Variants in CLEC2A observed in about 807,000 individuals in gnomAD.
The protein encoded by CLEC2A is keratinocyte-associated C-type lectin.
CLEC2A carries 19 observed loss-of-function variants against 18.6 expected under a neutral mutation model. That is an observed-to-expected ratio of 1.02 (90% CI 0.71 to 1.50). The LOEUF (loss-of-function observed/expected upper bound fraction) is 1.50. CLEC2A is among the 40% of genes most tolerant of loss of function. CLEC2A has a pLI of 0.00. For synonymous variants in CLEC2A, 74 were observed against 64.0 expected, an observed-to-expected ratio of 1.16 and a Z score of -0.75; for missense variants, 190 against 207.9, an observed-to-expected ratio of 0.91 and a Z score of 0.53.
chr12:9,885,323 C>T, the CLEC2A span, among the ~76,000 whole-genome samples: 1 of 93,436 alleles, frequency 1.1e-5, no homozygotes, highest in South Asian at 4.4e-4. Flanking sequence ...TTTGTGAGAT[C>T]ATTATTTAAG....
At chr12:9,904,867 C>A (rs909759794) in intron 4 of CLEC2A, among the ~76,000 whole-genome samples, 1 of 152,134 alleles carries the variant, frequency 6.6e-6, no homozygotes, top group African/African-American at 2.4e-5. Flanking sequence ...GCCTGGCTGT[C>A]CACCGTCCAT....
At position 9,902,621 on chromosome 12, in the gene CLEC2A, G is replaced by A. The variant is rs564726051; in HGVS notation, c.411-3645C>T. ...CACACTGTGGAAGCTTTGTTCTTTC[G>A]CTCTTTGCAATAAATCTTGAAAGAA... On this transcript the variant is annotated intron_variant, in intron 4 of 4. Coordinates refer to the CLEC2A transcript ENST00000339766. Among the ~76,000 whole-genome samples the A allele has an allele frequency of 2.5e-3, 367 of 149,368 alleles. 2 individuals carry two copies. Among genetic ancestry groups the A allele is most frequent in the African/African-American group, 8.6e-3 (347 of 40,286 alleles).
chr12:9,916,653 A>G (rs575317127), intron 4 of CLEC2A, 47 bp downstream of exon 4: 2 of 1,187,840 alleles, frequency 1.7e-6, no homozygotes, highest in Non-Finnish European at 2.4e-6. Flanking sequence ...AAAATTTTTC[A>G]TATGACACAC....
downstream of CLEC2A, among the ~76,000 whole-genome samples, chr12:9,895,481 T>G (rs1862746510): frequency 6.6e-6 from 1 of 152,222 alleles, no homozygotes; most frequent in South Asian, 2.1e-4. Context: ...CTGGGATGTC[T>G]TCTAGTGTAG....
downstream of CLEC2A, among the ~76,000 whole-genome samples, chr12:9,894,207 A>T (rs1282989515): frequency 7.6e-6 from 1 of 131,444 alleles, no homozygotes; most frequent in Non-Finnish European, 1.5e-5. Flanking sequence ...TTTTCAGCAG[A>T]GCCTTGCTCT....
chr12:9,894,559 G>T (rs577144392), downstream of CLEC2A, among the ~76,000 whole-genome samples: 1 of 152,290 alleles, frequency 6.6e-6, no homozygotes, highest in African/African-American at 2.4e-5. Flanking sequence ...AACATGAGGT[G>T]TTGCATGTAA....
the CLEC2A span, among the ~76,000 whole-genome samples, chr12:9,892,508 T>C: frequency 6.6e-6 from 1 of 151,242 alleles, no homozygotes; most frequent in Non-Finnish European, 1.5e-5. Context: ...TCTCCCCTAA[T>C]CCATCATCCA....
chr12:9,895,477 T>A (rs1255193261), downstream of CLEC2A, among the ~76,000 whole-genome samples: 2 of 152,202 alleles, frequency 1.3e-5, no homozygotes, highest in Admixed American at 1.3e-4. Context: ...GAAGCTGGGA[T>A]GTCTTCTAGT....
chr12:9,926,455 A>G, intron 1 of CLEC2A, 112 bp from the exon 2 acceptor site: 1 of 674,284 alleles, frequency 1.5e-6, no homozygotes, highest in Non-Finnish European at 2.6e-6. Context: ...TCAATCAAGT[A>G]CATACATCTC....
downstream of CLEC2A, among the ~76,000 whole-genome samples, chr12:9,912,275 G>C (rs1405765975): frequency 1.3e-5 from 2 of 152,120 alleles, no homozygotes; most frequent in Non-Finnish European, 2.9e-5. Context: ...GCTTATGGCT[G>C]GGAGCCAGCC....
chr12:9,888,102 A>G, the CLEC2A span, among the ~76,000 whole-genome samples: 1,020 of 151,288 alleles, frequency 6.7e-3, 9 homozygotes, highest in Non-Finnish European at 9.5e-3. Context: ...AAATGAAAAA[A>G]AAAAAGAAAA....
downstream of CLEC2A, among the ~76,000 whole-genome samples, chr12:9,894,171 GTTTCTTTCTTTC>G (rs200285327): frequency 8.9e-5 from 7 of 78,658 alleles, no homozygotes; most frequent in Admixed American, 7.7e-4. Context: ...TTCCTTCTTT[GTTTCTTTCTTTC>G]TTTCTTTCTT....
chr12:9,891,425 C>G, the CLEC2A span, among the ~76,000 whole-genome samples: 1 of 152,192 alleles, frequency 6.6e-6, no homozygotes, highest in Non-Finnish European at 1.5e-5. Context: ...CAATGCTACA[C>G]TCATCATTTG....
intron 4 of CLEC2A, among the ~76,000 whole-genome samples, chr12:9,916,164 C>G (rs1863068167): frequency 6.6e-6 from 1 of 151,658 alleles, no homozygotes; most frequent in Non-Finnish European, 1.5e-5. Flanking sequence ...CATTTTAACC[C>G]AAGAAACACT....
At chr12:9,926,386 C>G in intron 1 of CLEC2A, 43 bp from the exon 2 acceptor site, 3 of 1,210,734 alleles carry the variant, frequency 2.5e-6, no homozygotes, top group Non-Finnish European at 2.4e-6. Flanking sequence ...TCTGAATAAA[C>G]ACTGACTCGA....
the CLEC2A span, among the ~76,000 whole-genome samples, chr12:9,888,494 A>AAT: frequency 3.5e-4 from 54 of 152,172 alleles, no homozygotes; most frequent in Admixed American, 2.2e-3. Flanking sequence ...TGTCTCAAAA[A>AAT]AAAAATAAAA....
chr12:9,882,875 TTGATATATAATAAGAAAAATCTACC>T, the CLEC2A span, among the ~76,000 whole-genome samples: 1 of 152,204 alleles, frequency 6.6e-6, no homozygotes, highest in East Asian at 1.9e-4. Flanking sequence ...TCTCAATACT[TTGATATATAATAAGAAAAATCTACC>T]TGATGATGCT....
At chr12:9,903,492 G>A (rs781096773) in intron 4 of CLEC2A, among the ~76,000 whole-genome samples, 2 of 152,166 alleles carry the variant, frequency 1.3e-5, no homozygotes, top group African/African-American at 4.8e-5. Flanking sequence ...TAGTTCATTG[G>A]ATAAAACAGG....
the CLEC2A span, among the ~76,000 whole-genome samples, chr12:9,882,008 G>T: frequency 6.6e-6 from 1 of 151,446 alleles, no homozygotes. Context: ...GTATATATAT[G>T]CTTATATATA....
Sources: gnomAD v4.1 joint callset for allele counts (sites outside exome capture counted in the v4.1 genomes callset) on GRCh38, gnomAD v4.1.1 for gene constraint, MANE v1.5 for transcripts, NCBI Gene and HGNC (gene_info 2026-07-23, HGNC 2026-07-21) for gene names.